MAN1A2: variants seen among roughly 807,000 people sequenced by gnomAD.
The protein encoded by MAN1A2 is mannosidase alpha class 1A member 2.
Under a neutral mutation model 75.7 loss-of-function variants are expected in MAN1A2, and 26 were observed. The observed-to-expected ratio is 0.34, with a 90% CI of 0.25 to 0.48. MAN1A2 has a LOEUF of 0.48. MAN1A2 is among the 20% of genes least tolerant of loss of function. MAN1A2 has a pLI of 0.99. For synonymous variants in MAN1A2, 247 were observed against 264.6 expected (o/e 0.93, Z 0.65); for missense variants, 562 against 775.5 (o/e 0.72, Z 3.27).
intron 8 of MAN1A2, among the ~76,000 whole-genome samples, chr1:117,467,626 G>A (rs1015801961): frequency 6.6e-6 from 1 of 151,986 alleles, no homozygotes; most frequent in South Asian, 2.1e-4. Flanking sequence ...GACTGAGTGG[G>A]AATGATATTT....
intron 1 of MAN1A2, among the ~76,000 whole-genome samples, chr1:117,374,097 T>G (rs1653063372): frequency 6.6e-6 from 1 of 152,162 alleles, no homozygotes; most frequent in Non-Finnish European, 1.5e-5. Flanking sequence ...GCCAGGAGTT[T>G]GAGACTAGCC....
At chr1:117,511,223 T>C (rs1651524523) in intron 12 of MAN1A2, among the ~76,000 whole-genome samples, 1 of 152,050 alleles carries the variant, frequency 6.6e-6, no homozygotes, top group African/African-American at 2.4e-5. Context: ...ACCCCCATGA[T>C]CCAGTCACCT....
chr1:117,510,944 C>T (rs1048341882), intron 12 of MAN1A2, among the ~76,000 whole-genome samples: 1 of 152,022 alleles, frequency 6.6e-6, no homozygotes, highest in African/African-American at 2.4e-5. Flanking sequence ...CTTCATAACA[C>T]TAACATCATC....
intron 4 of MAN1A2, among the ~76,000 whole-genome samples, chr1:117,416,427 G>A (rs573883677): frequency 1.3e-5 from 2 of 152,204 alleles, no homozygotes; most frequent in Non-Finnish European, 2.9e-5. Context: ...TGGAAATTTT[G>A]AGGAGGATTG....
At chr1:117,374,987 A>C (rs1043530812) in intron 1 of MAN1A2, among the ~76,000 whole-genome samples, 3 of 152,186 alleles carry the variant, frequency 2.0e-5, no homozygotes, top group African/African-American at 7.2e-5. Context: ...TTAAAATGTG[A>C]AAATGAACGA....
Position 117,405,615 on chromosome 1 carries a change from G to A in MAN1A2, c.625G>A (p.Ala209Thr). The change falls in exon 3 of 13, where the codon GCA becomes ACA. Residue 209 changes from alanine (A) to threonine (T), a missense_variant. By Grantham distance (58) the Ala-to-Thr change is moderately conservative. This residue lies in a region of MAN1A2 where 434 missense variants were observed against 645.7 expected (regional missense o/e 0.67). Transcript: ENST00000356554. ...GWGHNELRPI[A>T]RKGHSPNIFG... ...GGGACATAATGAACTCAGACCTATT[G>A]CAAGGAAAGGACACTCCCCTAACAT... is the stretch of plus-strand genomic sequence containing the variant. The A allele has an allele frequency of 6.2e-7, 1 of 1,605,404 alleles. No individual in the cohort carries two copies. Among genetic ancestry groups the A allele is most frequent in the Non-Finnish European group, 8.5e-7 (1 of 1,172,266 alleles).
chr1:117,462,819 A>G (rs745983319), intron 7 of MAN1A2, among the ~76,000 whole-genome samples: 11 of 152,168 alleles, frequency 7.2e-5, no homozygotes, highest in Non-Finnish European at 1.2e-4. Context: ...CCCAATTCGT[A>G]TAATTTGCTT....
At chr1:117,372,249 T>TC (rs1230856665) in intron 1 of MAN1A2, among the ~76,000 whole-genome samples, 1 of 152,090 alleles carries the variant, frequency 6.6e-6, no homozygotes, top group African/African-American at 2.4e-5. Context: ...GCAGTGGTGA[T>TC]AGTGGAGAAT....
chr1:117,407,446 A>G (rs1030158545), intron 3 of MAN1A2, among the ~76,000 whole-genome samples: 1 of 152,010 alleles, frequency 6.6e-6, no homozygotes, highest in African/African-American at 2.4e-5. Flanking sequence ...AGTAGTTCTC[A>G]GTGTCTCATT....
intron 8 of MAN1A2, among the ~76,000 whole-genome samples, chr1:117,478,513 A>G (rs1650389676): frequency 6.6e-6 from 1 of 152,114 alleles, no homozygotes; most frequent in African/African-American, 2.4e-5. Context: ...CCAAGCACAC[A>G]AAGATTTCTT....
Position 117,486,075 on chromosome 1 carries a change from G to A in MAN1A2, c.1169-7072G>A, listed in dbSNP as rs532549233. ...TAAATAATGGTTGACTACTACAGTG[G>A]GATAACATACAGAAATGCAAATAAA... On this transcript the variant is annotated intron_variant, in intron 8 of 12. Coordinates refer to ENST00000356554, the MANE Select transcript of MAN1A2 (RefSeq NM_006699.5). 2.1e-4 allele frequency among the ~76,000 whole-genome samples: 32 copies of A among 151,880 alleles called. 1 individual carries two copies. In the South Asian group the frequency reaches 6.7e-3, roughly 32 times the overall value.
chr1:117,391,947 T>A (rs1653732872), intron 1 of MAN1A2, among the ~76,000 whole-genome samples: 1 of 152,120 alleles, frequency 6.6e-6, no homozygotes, highest in African/African-American at 2.4e-5. Context: ...CTTTCTAAGG[T>A]CTCTTATATT....
rs1294786162 is a variant in MAN1A2 at position 117,527,670 on chromosome 1, A to G, written c.*4713A>G. 7 of 151,998 alleles carry G rather than the reference A, an allele frequency of 4.6e-5. No homozygotes were observed. Among genetic ancestry groups the G allele is most frequent in the Non-Finnish European group, 8.8e-5 (6 of 67,946 alleles). The allele number at this position is 151,998 out of a possible 1,614,324, so 9.4% of individuals were successfully genotyped here. ...TTAATGCCATAATTTCAGATTCTCT[A>G]TGTAAAAAGAAGGTCTGTGTATTGT... On this transcript the variant is annotated 3_prime_UTR_variant, in exon 13 of 13. Coordinates refer to ENST00000356554, the MANE Select transcript of MAN1A2 (RefSeq NM_006699.5).
At chr1:117,382,498 G>C (rs1277101696) in intron 1 of MAN1A2, among the ~76,000 whole-genome samples, 1 of 152,092 alleles carries the variant, frequency 6.6e-6, no homozygotes, top group Admixed American at 6.5e-5. Flanking sequence ...TTGTAGATAT[G>C]CGGCATTATT....
At chr1:117,495,000 G>A (rs1039798126) in intron 9 of MAN1A2, 1 of 151,202 alleles carries the variant, frequency 6.6e-6, no homozygotes, top group African/African-American at 2.4e-5. Context: ...AATTAATTTT[G>A]TCTGTTTTCT....
rs183378588 is a variant in MAN1A2, at chr1:117,523,667, G to A, written c.*710G>A. The A allele has an allele frequency of 1.0e-4, 16 of 160,340 alleles. No homozygotes were observed. Among genetic ancestry groups the A allele is most frequent in the Non-Finnish European group, 1.8e-4 (13 of 73,390 alleles). The allele number at this position is 160,340 out of a possible 1,614,324, so 9.9% of individuals were successfully genotyped here. A position where few individuals can be genotyped will look rare whatever the true frequency, so the allele number is the denominator to read the frequency against. ...GTCTTTTTCTTCTTATGGAATCATC[G>A]AAACTGCTATTTATCATAATCACCA... On this transcript the variant is annotated 3_prime_UTR_variant, in exon 13 of 13. Coordinates refer to ENST00000356554, the MANE Select transcript of MAN1A2 (RefSeq NM_006699.5).
At chr1:117,504,713 T>A (rs1204148884) in intron 12 of MAN1A2, among the ~76,000 whole-genome samples, 2 of 151,552 alleles carry the variant, frequency 1.3e-5, no homozygotes, top group African/African-American at 4.8e-5. Context: ...TCATCGTCTC[T>A]TTAGTCTCCT....
rs547579007 is a variant in MAN1A2 at position 117,381,292 on chromosome 1, C to T, written c.302+12807C>T. Among the ~76,000 whole-genome samples the T allele has an allele frequency of 3.9e-3, 596 of 152,076 alleles. 8 individuals carry two copies. Among genetic ancestry groups the T allele is most frequent in the Non-Finnish European group, 4.8e-3 (324 of 67,972 alleles). On this transcript the variant is annotated intron_variant, in intron 1 of 12. Coordinates refer to ENST00000356554, the MANE Select transcript of MAN1A2 (RefSeq NM_006699.5). ...TGCTGGTGTGCTGCACCCATTAACT[C>T]GTCATTTAGCATTAGGTATATCTCC...
chr1:117,495,938 ATTAC>A (rs1651025980), intron 9 of MAN1A2, among the ~76,000 whole-genome samples: 1 of 151,924 alleles, frequency 6.6e-6, no homozygotes, highest in Admixed American at 6.6e-5. Context: ...CATTTATGAA[ATTAC>A]TTAATAATTA....
Sources: allele counts gnomAD v4.1 joint callset (sites outside exome capture counted in the v4.1 genomes callset), GRCh38; gene constraint gnomAD v4.1.1; regional missense constraint gnomAD v4.1.1; transcripts MANE v1.5; gene names NCBI Gene and HGNC (gene_info 2026-07-23, HGNC 2026-07-21).